MEF2C: variants seen among roughly 807,000 people sequenced by gnomAD.
The protein encoded by MEF2C is myocyte enhancer factor 2C.
A neutral mutation model predicts 50.5 loss-of-function variants in MEF2C; 6 were observed. The observed-to-expected ratio is 0.12, with a 90% CI of 0.07 to 0.23. The LOEUF is 0.23. MEF2C is among the 10% of genes least tolerant of loss of function. The probability of loss-of-function intolerance (pLI) is 1.00; values close to 1 mark genes in which losing one functional copy is unlikely to be tolerated. For missense variants in MEF2C, 276 were observed against 605.0 expected (o/e 0.46, Z 5.70); for synonymous variants, 183 against 228.0 (o/e 0.80, Z 1.78).
intron 1 of MEF2C, among the ~76,000 whole-genome samples, chr5:88,859,025 C>T (rs1463586304): frequency 6.6e-6 from 1 of 152,188 alleles, no homozygotes; most frequent in East Asian, 1.9e-4. Flanking sequence ...CCTGTCTCGT[C>T]AGAGTGCTTT....
intron 3 of MEF2C, among the ~76,000 whole-genome samples, chr5:88,798,234 T>G (rs2153023364): frequency 6.6e-6 from 1 of 152,310 alleles, no homozygotes; most frequent in Non-Finnish European, 1.5e-5. Flanking sequence ...TGAAGTGTTT[T>G]CCAACTTGGT....
At chr5:88,801,662 A>T (rs1798427518) in intron 3 of MEF2C, among the ~76,000 whole-genome samples, 1 of 151,700 alleles carries the variant, frequency 6.6e-6, no homozygotes. Flanking sequence ...AATTTTTTGG[A>T]TTTTTAGTAG....
chr5:88,761,327 G>A lies in MEF2C; in HGVS notation c.260C>T (p.Thr87Met). The change falls in exon 4 of 11, where the codon ACG becomes ATG. Residue 87 changes from threonine to methionine, a missense_variant and splice_region_variant. Physicochemically the swap from Thr to Met is moderately conservative, Grantham distance 81 (BLOSUM62 -1). Coordinates refer to ENST00000504921, the MANE Select transcript of MEF2C (RefSeq NM_002397.5). ...ESRTNSDIVETLRKKGLNGCD... is the reference protein window; with the variant it reads ...ESRTNSDIVEMLRKKGLNGCD... ...GCCATTAAGGCCCTTCTTTCTCAAC[G>A]TCTGAAATACATAATTTGGAAAGTT... The A allele has an allele frequency of 1.2e-6, 2 of 1,610,372 alleles. No individual in the cohort carries two copies. Among genetic ancestry groups the A allele is most frequent in the Non-Finnish European group, 8.5e-7 (1 of 1,178,364 alleles).
intron 1 of MEF2C, among the ~76,000 whole-genome samples, chr5:88,875,622 A>T (rs1022786780): frequency 6.6e-6 from 1 of 152,004 alleles, no homozygotes; most frequent in African/African-American, 2.4e-5. Context: ...TATGGGAATA[A>T]AAAGGAAACA....
At chr5:88,859,036 G>T (rs1290045748) in intron 1 of MEF2C, among the ~76,000 whole-genome samples, 1 of 152,144 alleles carries the variant, frequency 6.6e-6, no homozygotes, top group Non-Finnish European at 1.5e-5. Flanking sequence ...AGAGTGCTTT[G>T]ATTAAGCATT....
intron 3 of MEF2C, among the ~76,000 whole-genome samples, chr5:88,786,066 A>G (rs1327138046): frequency 6.6e-6 from 1 of 152,112 alleles, no homozygotes; most frequent in Admixed American, 6.6e-5. Flanking sequence ...GCAGTTTTCT[A>G]TTTTTAGACA....
chr5:88,881,726 C>CT (rs5869446), intron 1 of MEF2C, among the ~76,000 whole-genome samples: 90,970 of 142,920 alleles, frequency 0.64, 29,487 homozygotes, highest in African/African-American at 0.78. Context: ...AGGCTAGTCG[C>CT]TTTTTTTTTT....
chr5:88,804,583 C>T lies in MEF2C; in HGVS notation c.258+15G>A, dbSNP rs1368577683. On this transcript the variant is annotated intron_variant, in intron 3 of 10. Coordinates refer to ENST00000504921, the MANE Select transcript of MEF2C (RefSeq NM_002397.5). ...GCTTGCGGAGGCTTGGGGCTCACCACGCATGCTCTCTCACCTCCACGATGT... is the reference window on the plus strand; with the variant it reads ...GCTTGCGGAGGCTTGGGGCTCACCATGCATGCTCTCTCACCTCCACGATGT... 1.9e-6 allele frequency: 3 copies of T among 1,612,660 alleles called. No individual in the cohort carries two copies. Among genetic ancestry groups the T allele is most frequent in the African/African-American group, 1.3e-5 (1 of 74,868 alleles).
intron 6 of MEF2C, chr5:88,732,538 C>A (rs1762160170): frequency 6.6e-6 from 1 of 152,246 alleles, no homozygotes; most frequent in Non-Finnish European, 1.5e-5. Context: ...GACTCCTTCC[C>A]TGGAGCTGAA....
At chr5:88,770,958 T>C (rs1223008388) in intron 3 of MEF2C, among the ~76,000 whole-genome samples, 3 of 152,250 alleles carry the variant, frequency 2.0e-5, no homozygotes, top group African/African-American at 7.2e-5. Flanking sequence ...ATAGGTTTAA[T>C]GGCTTCACAG....
intron 3 of MEF2C, among the ~76,000 whole-genome samples, chr5:88,780,147 GA>G (rs938142573): frequency 2.9e-5 from 4 of 137,940 alleles, no homozygotes; most frequent in South Asian, 2.3e-4. Flanking sequence ...AATCCATCTC[GA>G]AAAAAAAAAG....
At chr5:88,848,219 G>A (rs1160838317) in intron 1 of MEF2C, among the ~76,000 whole-genome samples, 4 of 152,186 alleles carry the variant, frequency 2.6e-5, no homozygotes, top group African/African-American at 9.7e-5. Context: ...ATTGTGGAGA[G>A]AATCTGCTGG....
chr5:88,869,302 T>TATAC (rs1561421410), intron 1 of MEF2C, among the ~76,000 whole-genome samples: 44 of 106,132 alleles, frequency 4.1e-4, no homozygotes, highest in African/African-American at 1.1e-3. Context: ...TATACACATA[T>TATAC]ATATATATAT....
At chr5:88,770,507 C>T (rs1781915626) in intron 3 of MEF2C, among the ~76,000 whole-genome samples, 1 of 152,174 alleles carries the variant, frequency 6.6e-6, no homozygotes, top group South Asian at 2.1e-4. Flanking sequence ...ACCACATTTC[C>T]TCATTTCTAC....
intron 1 of MEF2C, among the ~76,000 whole-genome samples, chr5:88,896,438 T>A (rs181724021): frequency 6.2e-4 from 95 of 152,190 alleles, no homozygotes; most frequent in Non-Finnish European, 1.1e-3. Context: ...AGAGAATATG[T>A]ACCACTTGTT....
At chr5:88,726,296 G>A (rs934386449) in intron 10 of MEF2C, among the ~76,000 whole-genome samples, 4 of 152,062 alleles carry the variant, frequency 2.6e-5, no homozygotes, top group African/African-American at 4.8e-5. Flanking sequence ...AAATCTCTGC[G>A]ACAACTTTGG....
At chr5:88,900,051 A>G (rs1176911807) in intron 1 of MEF2C, among the ~76,000 whole-genome samples, 2 of 152,070 alleles carry the variant, frequency 1.3e-5, no homozygotes, top group African/African-American at 4.8e-5. Context: ...ATAAGCAAGT[A>G]CTGTTCCAAA....
intron 1 of MEF2C, among the ~76,000 whole-genome samples, chr5:88,872,255 C>A (rs926425843): frequency 6.6e-6 from 1 of 152,072 alleles, no homozygotes; most frequent in Non-Finnish European, 1.5e-5. Flanking sequence ...TTCCTCCAAA[C>A]TGAACTTTCA....
chr5:88,857,634 C>A (rs773938424), intron 1 of MEF2C, among the ~76,000 whole-genome samples: 2 of 152,068 alleles, frequency 1.3e-5, no homozygotes, highest in Non-Finnish European at 2.9e-5. Flanking sequence ...GTAGTTCCCC[C>A]GTACTGTTCT....
Sources: gnomAD v4.1 joint callset for allele counts (sites outside exome capture counted in the v4.1 genomes callset) on GRCh38, gnomAD v4.1.1 for gene constraint, MANE v1.5 for transcripts, NCBI Gene and HGNC (gene_info 2026-07-23, HGNC 2026-07-21) for gene names.